Variants in NDRG1 observed in about 807,000 individuals in gnomAD.
The protein encoded by NDRG1 is protein NDRG1.
Under a neutral mutation model 56.9 loss-of-function variants are expected in NDRG1, and 32 were observed. The observed-to-expected ratio is 0.56, with a 90% CI of 0.42 to 0.76. NDRG1 has a LOEUF of 0.76. NDRG1 is among the 30% of genes least tolerant of loss of function. NDRG1 has a pLI of 0.00. For synonymous variants in NDRG1, 211 were observed against 204.1 expected (o/e 1.03, Z -0.29); for missense variants, 507 against 545.7 (o/e 0.93, Z 0.71).
intron 8 of NDRG1, chr8:133,254,797 G>A: frequency 1.6e-6 from 1 of 621,010 alleles, no homozygotes; most frequent in Non-Finnish European, 2.9e-6. Flanking sequence ...GCAGGGCCTG[G>A]GACTATATCC....
At position 133,255,794 on chromosome 8, in the gene NDRG1, G is replaced by A. The variant is rs555664858; in HGVS notation, c.537+983C>T. 461 of 164,414 alleles carry A rather than the reference G, an allele frequency of 2.8e-3. 4 individuals are homozygous for A. Among genetic ancestry groups the A allele is most frequent in the Non-Finnish European group, 5.0e-3 (375 of 75,342 alleles). 10.2% of individuals were successfully genotyped at this position (164,414 alleles called of 1,614,324 possible). ...AAAATTGGGCAAAAATGCACTTGCA[G>A]AATGAGAAGCTGCGATCACCTCAGC... is the stretch of plus-strand genomic sequence containing the variant. On this transcript the variant is annotated intron_variant, in intron 8 of 15. Transcript: ENST00000323851.
intron 2 of NDRG1, among the ~76,000 whole-genome samples, chr8:133,280,620 G>A (rs1399166544): frequency 1.3e-5 from 2 of 151,906 alleles, no homozygotes; most frequent in Non-Finnish European, 2.9e-5. Context: ...ATTTTTAGTA[G>A]AGACGGGATT....
At chr8:133,291,285 A>T (rs1192042338) in intron 1 of NDRG1, among the ~76,000 whole-genome samples, 1 of 152,246 alleles carries the variant, frequency 6.6e-6, no homozygotes, top group Non-Finnish European at 1.5e-5. Context: ...GAAAAAATCA[A>T]CATGTGCTGT....
chr8:133,282,131 ATG>A lies in NDRG1; in HGVS notation c.64-1866_64-1865del, dbSNP rs1386202700. On this transcript the variant is annotated intron_variant, in intron 2 of 15. Coordinates refer to ENST00000323851, the MANE Select transcript of NDRG1 (RefSeq NM_006096.4). ...ACCCTGAATGGGCAAGCTCTTAGAC[ATG>A]TGTTTCATACATAAAATGTTCTAAG... Among the ~76,000 whole-genome samples the A allele has an allele frequency of 3.3e-5, 5 of 152,362 alleles. No individual in the cohort carries two copies. The East Asian group carries it at 9.6e-4, about 29-fold the overall frequency.
At chr8:133,250,587 C>T in intron 9 of NDRG1, 44 bp from the exon 10 acceptor site, 1 of 1,509,112 alleles carries the variant, frequency 6.6e-7, no homozygotes, top group South Asian at 1.1e-5. Flanking sequence ...CGCACTGTGG[C>T]CCTGAGCTGG....
chr8:133,259,495 AT>A, intron 5 of NDRG1: 1 of 524,610 alleles, frequency 1.9e-6, no homozygotes, highest in Non-Finnish European at 3.5e-6. Context: ...GGCTGCTAGG[AT>A]TTCCCCTCAT....
intron 13 of NDRG1, among the ~76,000 whole-genome samples, chr8:133,245,458 ACGGCTG>A (rs1204413479): frequency 3.9e-5 from 6 of 152,158 alleles, no homozygotes; most frequent in African/African-American, 1.2e-4. Flanking sequence ...CCTAAAGCTA[ACGGCTG>A]ATGTTATTAA....
chr8:133,264,991 T>A, intron 3 of NDRG1: 1 of 375,594 alleles, frequency 2.7e-6, no homozygotes, highest in Non-Finnish European at 5.1e-6. Flanking sequence ...CCTTGCTTCC[T>A]TGCCCTCAGG....
intron 14 of NDRG1, among the ~76,000 whole-genome samples, chr8:133,243,528 G>A (rs547103138): frequency 3.9e-5 from 6 of 152,256 alleles, no homozygotes; most frequent in South Asian, 2.1e-4. Flanking sequence ...AACCTGCAAC[G>A]GCATGAGGAC....
chr8:133,294,783 T>TAA (rs1422258001), intron 1 of NDRG1, among the ~76,000 whole-genome samples: 1 of 152,018 alleles, frequency 6.6e-6, no homozygotes, highest in African/African-American at 2.4e-5. Flanking sequence ...GATTTACACT[T>TAA]AAAAAAAATC....
At chr8:133,279,062 G>T (rs1488870518) in intron 3 of NDRG1, among the ~76,000 whole-genome samples, 1 of 152,052 alleles carries the variant, frequency 6.6e-6, no homozygotes, top group South Asian at 2.1e-4. Flanking sequence ...GCTAATTTTT[G>T]TATTTTTAGT....
At chr8:133,293,993 C>T (rs374341330) in intron 1 of NDRG1, among the ~76,000 whole-genome samples, 3 of 152,186 alleles carry the variant, frequency 2.0e-5, no homozygotes, top group South Asian at 2.1e-4. Context: ...GTGCTACTGA[C>T]GGCAAACACC....
chr8:133,263,401 C>T (rs766923028), intron 4 of NDRG1, among the ~76,000 whole-genome samples: 10 of 152,166 alleles, frequency 6.6e-5, no homozygotes, highest in Non-Finnish European at 1.0e-4. Context: ...ATAAAAATTA[C>T]GGGACCAGTG....
chr8:133,282,639 A>G (rs1251889406), intron 2 of NDRG1, among the ~76,000 whole-genome samples: 1 of 152,246 alleles, frequency 6.6e-6, no homozygotes, highest in East Asian at 1.9e-4. Context: ...CATAGTATAC[A>G]GTAGGGGTTG....
At chr8:133,266,964 G>T (rs536243568) in intron 3 of NDRG1, among the ~76,000 whole-genome samples, 64 of 152,182 alleles carry the variant, frequency 4.2e-4, no homozygotes, top group African/African-American at 1.5e-3. Flanking sequence ...AAGAAAAATG[G>T]CATCCAATTC....
At chr8:133,289,998 G>A (rs1858343073) in intron 1 of NDRG1, among the ~76,000 whole-genome samples, 1 of 152,198 alleles carries the variant, frequency 6.6e-6, no homozygotes, top group Non-Finnish European at 1.5e-5. Flanking sequence ...GCAGGAAGGT[G>A]CTTCACCAAG....
chr8:133,239,225 A>T (rs1312700398), intron 15 of NDRG1, 106 bp from the exon 16 acceptor site: 1 of 1,513,286 alleles, frequency 6.6e-7, no homozygotes, highest in African/African-American at 1.4e-5. Flanking sequence ...AGCCCCAGAG[A>T]AGACTTGATC....
In NDRG1 at chr8:133,238,354, C is replaced by T. The variant is rs1855175033; in HGVS notation, c.*524G>A. On this transcript the variant is annotated 3_prime_UTR_variant, in exon 16 of 16. Transcript: ENST00000323851. The stretch of plus-strand genomic sequence containing the variant: ...GCCTCGACATGAATCCCACCTTTTC[C>T]CCCTTCCTGTTTTGCCTGTTTAAAA... The T allele has an allele frequency of 8.5e-6, 2 of 235,388 alleles. No homozygotes were observed. Among genetic ancestry groups the T allele is most frequent in the Non-Finnish European group, 8.3e-6 (1 of 119,842 alleles). 14.6% of individuals were successfully genotyped at this position (235,388 alleles called of 1,614,324 possible). A position where few individuals can be genotyped will look rare whatever the true frequency, so the allele number is the denominator to read the frequency against.
intron 13 of NDRG1, among the ~76,000 whole-genome samples, chr8:133,245,129 G>A (rs1855600648): frequency 6.6e-6 from 1 of 152,290 alleles, no homozygotes; most frequent in Non-Finnish European, 1.5e-5. Context: ...ACCTGGGGCA[G>A]CCCTCAGCTC....
Sources: allele counts gnomAD v4.1 joint callset (sites outside exome capture counted in the v4.1 genomes callset), GRCh38; gene constraint gnomAD v4.1.1; transcripts MANE v1.5; gene names NCBI Gene and HGNC (gene_info 2026-07-23, HGNC 2026-07-21).